Variants in HEXIM1 observed in about 807,000 individuals in gnomAD.
The protein encoded by HEXIM1 is HEXIM P-TEFb complex subunit 1, also known as protein HEXIM1.
In HEXIM1, 1 loss-of-function variant was observed where a neutral mutation model predicts 30.3. That is an observed-to-expected ratio of 0.03 (90% CI 0.01 to 0.16). The LOEUF (loss-of-function observed/expected upper bound fraction) is 0.16. Among genes scored for constraint, HEXIM1 ranks in the 10% least tolerant of loss-of-function variants. HEXIM1 has a pLI of 1.00. For missense variants in HEXIM1, 391 were observed against 476.4 expected, an observed-to-expected ratio of 0.82 and a Z score of 1.67; for synonymous variants, 245 against 208.3, an observed-to-expected ratio of 1.18 and a Z score of -1.52.
rs2055539937 is a variant in HEXIM1, at chr17:45,150,448, C to A, written c.*178C>A. 1 of 641,364 alleles carries A rather than the reference C, an allele frequency of 1.6e-6. No individual in the cohort carries two copies. The highest frequency in any genetic ancestry group is 2.6e-6 in the Non-Finnish European group (1 of 382,698). 39.7% of individuals were successfully genotyped at this position (641,364 alleles called of 1,614,324 possible). On this transcript the variant is annotated 3_prime_UTR_variant, in exon 1 of 1. Coordinates refer to ENST00000332499, the MANE Select transcript of HEXIM1 (RefSeq NM_006460.3). ...TGTAGCTTGCGTGCTTTCTCCTGTT[C>A]TTTTAATTATGTGAAACTGAAGAGT...
Position 45,149,059 on chromosome 17 carries a change from C to T in HEXIM1, c.-132C>T. ...GAAGGACTAGCTAAAGGCGTCACTG[C>T]AGGAATTACAAACTGAAGAGGACTC... On this transcript the variant is annotated 5_prime_UTR_variant, in exon 1 of 1. Coordinates refer to ENST00000332499, the MANE Select transcript of HEXIM1 (RefSeq NM_006460.3). This position sits in a 1 kb window ranked among gnomAD's most constrained non-coding sequence, Gnocchi z 5.3. 1.1e-6 allele frequency: 1 copy of T among 926,362 alleles called. No homozygotes were observed. Among genetic ancestry groups the T allele is most frequent in the Non-Finnish European group, 1.6e-6 (1 of 624,452 alleles). 57.4% of individuals were successfully genotyped at this position (926,362 alleles called of 1,614,324 possible).
At position 45,149,757 on chromosome 17, in the gene HEXIM1, C is replaced by G. The variant is rs1222065251; in HGVS notation, c.567C>G (p.Ile189Met). The change falls in exon 1 of 1, where the codon ATC becomes ATG. Residue 189 changes from isoleucine (I) to methionine (M), a missense_variant. Ile to Met is a conservative substitution (Grantham distance 10). This residue lies in a region of HEXIM1 where 30 missense variants were observed against 88.1 expected (regional missense o/e 0.34). Transcript: ENST00000332499. The surrounding 1 kb of genome is among the most constrained non-coding windows in gnomAD (Gnocchi z 5.3). ...AACAGAGCCTTCGAGCTTCAAGGAT[C>G]CGAGCCGAGATGTTCGCCAAGGGCC... Reference protein sequence around the residue: ...DEKQSLRASRIRAEMFAKGQP... With the variant: ...DEKQSLRASRMRAEMFAKGQP... The G allele has an allele frequency of 1.2e-6, 2 of 1,613,678 alleles. No individual in the cohort carries two copies. Among genetic ancestry groups the G allele is most frequent in the Non-Finnish European group, 1.7e-6 (2 of 1,179,996 alleles).
chr17:45,149,283 G>A lies in HEXIM1; in HGVS notation c.93G>A (p.Glu31=). 1 of 1,613,756 alleles carries A rather than the reference G, an allele frequency of 6.2e-7. No individual in the cohort carries two copies. The highest frequency in any genetic ancestry group is 1.1e-5 in the South Asian group (1 of 91,082). ...CTGTCCAGGAAGAGCTGAACCCTGA[G>A]CGCCCCCCAGGCGCGGAGGAGCGGG... ...AAAVQEELNP[E]RPPGAEERVP... is the part of the protein sequence containing the mutation. Residue 31 remains glutamate, a synonymous_variant, in exon 1 of 1, where the codon GAG becomes GAA. Coordinates refer to ENST00000332499, the MANE Select transcript of HEXIM1 (RefSeq NM_006460.3). The surrounding 1 kb of genome is among the most constrained non-coding windows in gnomAD (Gnocchi z 5.3).
Position 45,149,567 on chromosome 17 carries a change from A to G in HEXIM1, c.377A>G (p.Glu126Gly), listed in dbSNP as rs759674454. Residue 126 changes from glutamate (E) to glycine (G), a missense_variant, in exon 1 of 1, where the codon GAG becomes GGG. By Grantham distance (98) the Glu-to-Gly change is moderately conservative. Around this residue, in one of 5 missense-constraint regions of HEXIM1, gnomAD observed 230 missense variants for 199.4 expected, o/e 1.15. Coordinates refer to ENST00000332499, the MANE Select transcript of HEXIM1 (RefSeq NM_006460.3). The surrounding 1 kb of genome is among the most constrained non-coding windows in gnomAD (Gnocchi z 5.3). ...ELLAQPCHDSEASKLGAPAAG... is the reference protein window; with the variant it reads ...ELLAQPCHDSGASKLGAPAAG... ...CTCGCCCAGCCTTGTCATGACTCCGAGGCCAGTAAGTTGGGGGCTCCTGCC... is the reference window on the plus strand; with the variant it reads ...CTCGCCCAGCCTTGTCATGACTCCGGGGCCAGTAAGTTGGGGGCTCCTGCC... 3.1e-6 allele frequency: 5 copies of G among 1,608,590 alleles called. No individual in the cohort carries two copies. The highest frequency in any genetic ancestry group is 1.7e-6 in the Non-Finnish European group (2 of 1,177,834).
rs1412597591 is a variant in HEXIM1, at chr17:45,148,788, C to T, written c.-403C>T. 4.2e-5 allele frequency: 17 copies of T among 402,872 alleles called. No homozygotes were observed. The East Asian group carries it at 4.6e-4, about 11-fold the overall frequency. The allele number at this position is 402,872 out of a possible 1,614,324, so 25.0% of individuals were successfully genotyped here. On this transcript the variant is annotated 5_prime_UTR_variant, in exon 1 of 1. Coordinates refer to ENST00000332499, the MANE Select transcript of HEXIM1 (RefSeq NM_006460.3). The stretch of plus-strand genomic sequence containing the variant: ...TTAACCCTTTGTGGATCTGGCCCCT[C>T]GGAGGCAGCGTCATCGGTAGTTTTA...
At position 45,149,940 on chromosome 17, in the gene HEXIM1, G is replaced by C. The variant is rs753274498; in HGVS notation, c.750G>C (p.Gly250=). Residue 250 remains glycine (G), a synonymous_variant, in exon 1 of 1, where the codon GGG becomes GGC. Transcript: ENST00000332499. The surrounding 1 kb of genome is among the most constrained non-coding windows in gnomAD (Gnocchi z 5.3). ...TGGAAGAAGGGGGTGAGGAGGATGG[G>C]GGCAGCGATGGGATGGGAGGGGACG... is the stretch of plus-strand genomic sequence containing the variant. The part of the protein sequence containing the change: ...DFMEEGGEED[G]GSDGMGGDGS... 14 of 1,613,840 alleles carry C rather than the reference G, an allele frequency of 8.7e-6. No individual in the cohort carries two copies. Among genetic ancestry groups the C allele is most frequent in the African/African-American group, 4.0e-5 (3 of 74,920 alleles).
Position 45,149,248 on chromosome 17 carries a change from G to A in HEXIM1, c.58G>A (p.Gly20Ser). The change falls in exon 1 of 1, where the codon GGT becomes AGT. Residue 20 changes from glycine to serine, a missense_variant. By Grantham distance (56) the Gly-to-Ser change is moderately conservative. Transcript: ENST00000332499. The surrounding 1 kb of genome is among the most constrained non-coding windows in gnomAD (Gnocchi z 5.3). ...QHQPQTSNCTGAAAVQEELNP... is the reference protein window; with the variant it reads ...QHQPQTSNCTSAAAVQEELNP... ...CCAGCCTCAAACTAGCAACTGTACAGGTGCTGCTGCTGTCCAGGAAGAGCT... is the reference window on the plus strand; with the variant it reads ...CCAGCCTCAAACTAGCAACTGTACAAGTGCTGCTGCTGTCCAGGAAGAGCT... 1 of 1,613,902 alleles carries A rather than the reference G, an allele frequency of 6.2e-7. No individual in the cohort carries two copies. The highest frequency in any genetic ancestry group is 2.2e-5 in the East Asian group (1 of 44,882).
At position 45,149,365 on chromosome 17, in the gene HEXIM1, C is replaced by A; in HGVS notation, c.175C>A (p.Pro59Thr). 2 of 1,613,440 alleles carry A rather than the reference C, an allele frequency of 1.2e-6. No homozygotes were observed. The highest frequency in any genetic ancestry group is 2.7e-5 in the African/African-American group (2 of 75,048). The change falls in exon 1 of 1, where the codon CCG becomes ACG. Residue 59 changes from proline to threonine, a missense_variant. By Grantham distance (38) the Pro-to-Thr change is conservative (BLOSUM62 -1). Coordinates refer to ENST00000332499, the MANE Select transcript of HEXIM1 (RefSeq NM_006460.3). This position sits in a 1 kb window ranked among gnomAD's most constrained non-coding sequence, Gnocchi z 5.3. ...SRAFPQLGGR[P>T]GPEGEGSLES... ...AGCGTTCCCCCAGTTGGGTGGCCGTCCGGGGCCGGAGGGGGAAGGGAGCCT... is the reference window on the plus strand; with the variant it reads ...AGCGTTCCCCCAGTTGGGTGGCCGTACGGGGCCGGAGGGGGAAGGGAGCCT...
At position 45,149,439 on chromosome 17, in the gene HEXIM1, C is replaced by G. The variant is rs536393664; in HGVS notation, c.249C>G (p.Ser83Arg). 1.9e-6 allele frequency: 3 copies of G among 1,613,138 alleles called. No individual in the cohort carries two copies. The highest frequency in any genetic ancestry group is 1.7e-5 in the Admixed American group (1 of 60,024). ...PLQTQACPES[S>R]CLREGEKGQN... is the part of the protein sequence containing the mutation. ...AGACCCAGGCCTGTCCAGAATCTAGCTGCCTGAGAGAGGGCGAGAAGGGCC... is the reference window on the plus strand; with the variant it reads ...AGACCCAGGCCTGTCCAGAATCTAGGTGCCTGAGAGAGGGCGAGAAGGGCC... The change falls in exon 1 of 1, where the codon AGC becomes AGG. Residue 83 changes from serine (S) to arginine (R), a missense_variant. By Grantham distance (110) the Ser-to-Arg change is moderately radical. Coordinates refer to ENST00000332499, the MANE Select transcript of HEXIM1 (RefSeq NM_006460.3). The surrounding 1 kb of genome is among the most constrained non-coding windows in gnomAD (Gnocchi z 5.3).
chr17:45,149,119 T>TC lies in HEXIM1; in HGVS notation c.-72_-71insC. 1.4e-6 allele frequency: 2 copies of TC among 1,430,766 alleles called. No homozygotes were observed. Among genetic ancestry groups the TC allele is most frequent in the African/African-American group, 2.9e-5 (2 of 69,654 alleles). The allele number at this position is 1,430,766 out of a possible 1,614,324, so 88.6% of individuals were successfully genotyped here. On this transcript the variant is annotated 5_prime_UTR_variant, in exon 1 of 1. Transcript: ENST00000332499. The surrounding 1 kb of genome is among the most constrained non-coding windows in gnomAD (Gnocchi z 5.3). ...GTTTTTTTTTTCTTTTTCTTTTTTT[T>TC]AAGAAAAACCCATTTTTTTCCTTAA...
Position 45,150,399 on chromosome 17 carries a change from T to TTTGG in HEXIM1, c.*132_*135dup, listed in dbSNP as rs71136073. The stretch of plus-strand genomic sequence containing the variant: ...TAATCAGAAGAGAAATCCCCCTGGC[T>TTTGG]TTGGTTTCGTAAATTTAGCTATATG... On this transcript the variant is annotated 3_prime_UTR_variant, in exon 1 of 1. Coordinates refer to ENST00000332499, the MANE Select transcript of HEXIM1 (RefSeq NM_006460.3). 1,140,681 of 1,154,024 alleles carry TTTGG rather than the reference T, an allele frequency of 0.99. 563,854 individuals are homozygous for TTTGG. Among genetic ancestry groups the TTTGG allele is most frequent in the East Asian group, 1 (39,936 of 39,938 alleles). 71.5% of individuals were successfully genotyped at this position (1,154,024 alleles called of 1,614,324 possible). A position where few individuals can be genotyped will look rare whatever the true frequency, so the allele number is the denominator to read the frequency against.
rs1230647542 is a variant in HEXIM1, at chr17:45,151,713, T to C, written c.*1443T>C. On this transcript the variant is annotated 3_prime_UTR_variant, in exon 1 of 1. Transcript: ENST00000332499. Reference sequence around the variant, plus strand: ...TTAGAAACCATTGTGGGCCTTGGGGTCCATGAACCCCATGAAATTATTTGT... The same window carrying C: ...TTAGAAACCATTGTGGGCCTTGGGGCCCATGAACCCCATGAAATTATTTGT... The C allele has an allele frequency of 6.0e-6, 1 of 167,006 alleles. No individual in the cohort carries two copies. The highest frequency in any genetic ancestry group is 1.5e-5 in the Non-Finnish European group (1 of 68,112). 10.3% of individuals were successfully genotyped at this position (167,006 alleles called of 1,614,324 possible). A position where few individuals can be genotyped will look rare whatever the true frequency, so the allele number is the denominator to read the frequency against.
rs563646328 is a variant in HEXIM1 at position 45,151,782 on chromosome 17, C to G, written c.*1512C>G. The G allele has an allele frequency of 6.0e-5, 10 of 167,178 alleles. No individual in the cohort carries two copies. The South Asian group carries it at 2.1e-3, about 35-fold the overall frequency. The allele number at this position is 167,178 out of a possible 1,614,324, so 10.4% of individuals were successfully genotyped here. Reference sequence around the variant, plus strand: ...TTCTGGGGAGAAGGTTCAAGAGATTCATAAGATTGTCAAACTCCTTGAAGG... The same window carrying G: ...TTCTGGGGAGAAGGTTCAAGAGATTGATAAGATTGTCAAACTCCTTGAAGG... On this transcript the variant is annotated 3_prime_UTR_variant, in exon 1 of 1. Transcript: ENST00000332499.
At position 45,148,768 on chromosome 17, in the gene HEXIM1, C is replaced by G; in HGVS notation, c.-423C>G. ...TGGGCTCTGCGGCAGGGGATTTAAC[C>G]CTTTGTGGATCTGGCCCCTCGGAGG... On this transcript the variant is annotated 5_prime_UTR_variant, in exon 1 of 1. Coordinates refer to ENST00000332499, the MANE Select transcript of HEXIM1 (RefSeq NM_006460.3). 5.0e-6 allele frequency: 2 copies of G among 402,938 alleles called. No individual in the cohort carries two copies. Among genetic ancestry groups the G allele is most frequent in the Non-Finnish European group, 8.8e-6 (2 of 228,306 alleles). The allele number at this position is 402,938 out of a possible 1,614,324, so 25.0% of individuals were successfully genotyped here.
At position 45,149,576 on chromosome 17, in the gene HEXIM1, A is replaced by T. The variant is rs1305275030; in HGVS notation, c.386A>T (p.Lys129Met). ...CCTTGTCATGACTCCGAGGCCAGTA[A>T]GTTGGGGGCTCCTGCCGCAGGGGGC... ...AQPCHDSEAS[K>M]LGAPAAGGEE... The change falls in exon 1 of 1, where the codon AAG (lysine) becomes ATG (methionine). Residue 129 changes from lysine (K) to methionine (M), a missense_variant. Transcript: ENST00000332499. This position sits in a 1 kb window ranked among gnomAD's most constrained non-coding sequence, Gnocchi z 5.3. 1 of 1,609,520 alleles carries T rather than the reference A, an allele frequency of 6.2e-7. No homozygotes were observed. Among genetic ancestry groups the T allele is most frequent in the African/African-American group, 1.3e-5 (1 of 74,934 alleles).
Position 45,149,354 on chromosome 17 carries a change from T to TG in HEXIM1, c.167dup (p.Gly57TrpfsTer27). On this transcript the variant is annotated frameshift_variant, in exon 1 of 1. Coordinates refer to ENST00000332499, the MANE Select transcript of HEXIM1 (RefSeq NM_006460.3). LOFTEE classifies it high-confidence loss of function. This position sits in a 1 kb window ranked among gnomAD's most constrained non-coding sequence, Gnocchi z 5.3. ...TGGCAATCGAGAGCGTTCCCCCAGT[T>TG]GGGTGGCCGTCCGGGGCCGGAGGGG... 6.2e-7 allele frequency: 1 copy of TG among 1,613,384 alleles called. No homozygotes were observed. The highest frequency in any genetic ancestry group is 8.5e-7 in the Non-Finnish European group (1 of 1,179,890).
In HEXIM1 at chr17:45,149,032, T is replaced by G. The variant is rs560976202; in HGVS notation, c.-159T>G. 17 of 710,698 alleles carry G rather than the reference T, an allele frequency of 2.4e-5. No individual in the cohort carries two copies. The highest frequency in any genetic ancestry group is 3.6e-5 in the Non-Finnish European group (16 of 447,034). 44.0% of individuals were successfully genotyped at this position (710,698 alleles called of 1,614,324 possible). A position where few individuals can be genotyped will look rare whatever the true frequency, so the allele number is the denominator to read the frequency against. On this transcript the variant is annotated 5_prime_UTR_variant, in exon 1 of 1. Coordinates refer to ENST00000332499, the MANE Select transcript of HEXIM1 (RefSeq NM_006460.3). This position sits in a 1 kb window ranked among gnomAD's most constrained non-coding sequence, Gnocchi z 5.3. Reference sequence around the variant, plus strand: ...CCAGATTGCAGTTGGAGTTTGCTGATAGAAGGACTAGCTAAAGGCGTCACT... The same window carrying G: ...CCAGATTGCAGTTGGAGTTTGCTGAGAGAAGGACTAGCTAAAGGCGTCACT...
At position 45,149,685 on chromosome 17, in the gene HEXIM1, A is replaced by G. The variant is rs1298393960; in HGVS notation, c.495A>G (p.Lys165=). 1 of 1,612,340 alleles carries G rather than the reference A, an allele frequency of 6.2e-7. No homozygotes were observed. Among genetic ancestry groups the G allele is most frequent in the Admixed American group, 1.7e-5 (1 of 59,980 alleles). The change falls in exon 1 of 1, where the codon AAA becomes AAG. Residue 165 remains lysine, a synonymous_variant. Transcript: ENST00000332499. This position sits in a 1 kb window ranked among gnomAD's most constrained non-coding sequence, Gnocchi z 5.3. ...RRPSKKKRHW[K]PYYKLTWEEK... is the part of the protein sequence containing the mutation. ...CGTCCAAGAAGAAGCGGCATTGGAA[A>G]CCGTACTACAAGCTGACCTGGGAAG...
rs551529177 is a variant in HEXIM1, at chr17:45,151,306, CA to C, written c.*1047del. The C allele has an allele frequency of 9.2e-3, 1,348 of 146,222 alleles. No homozygotes were observed. The highest frequency in any genetic ancestry group is 7.1e-3 in the Middle Eastern group (2 of 282). The allele number at this position is 146,222 out of a possible 1,614,324, so 9.1% of individuals were successfully genotyped here. ...ATTCTACGTGCTCTCTATACCAAAA[CA>C]AAAAAAAAAAGCTATCCACCTTTCC... On this transcript the variant is annotated 3_prime_UTR_variant, in exon 1 of 1. Coordinates refer to ENST00000332499, the MANE Select transcript of HEXIM1 (RefSeq NM_006460.3).
Sources: allele counts gnomAD v4.1 joint callset, GRCh38; gene constraint gnomAD v4.1.1; regional missense constraint gnomAD v4.1.1; non-coding constraint Gnocchi (gnomAD v3.1); transcripts MANE v1.5; gene names NCBI Gene and HGNC (gene_info 2026-07-23, HGNC 2026-07-21).